Variants in PCDH15 observed in about 807,000 individuals in gnomAD.
PCDH15 encodes protocadherin-15.
A neutral mutation model predicts 178.5 loss-of-function variants in PCDH15; 129 were observed. That is an observed-to-expected ratio of 0.72 (90% CI 0.63 to 0.84). The LOEUF (loss-of-function observed/expected upper bound fraction) is 0.84. Among genes scored for constraint, PCDH15 ranks in the 40% least tolerant of loss-of-function variants. The pLI is 0.00. For synonymous variants in PCDH15, 800 were observed against 732.0 expected (o/e 1.09, Z -1.50); for missense variants, 2,230 against 2,099.9 (o/e 1.06, Z -1.21).
rs78514349 is a variant in PCDH15 at position 54,640,473 on chromosome 10, T to C, written c.91+23699A>G. 2.9e-3 allele frequency among the ~76,000 whole-genome samples: 436 copies of C among 152,230 alleles called. 2 individuals carry two copies. Among genetic ancestry groups the C allele is most frequent in the Non-Finnish European group, 5.2e-3 (356 of 68,000 alleles). On this transcript the variant is annotated intron_variant, in intron 2 of 37. Transcript: ENST00000644397. ...CTAATAAAATTCCTAAATGTTTTAC[T>C]GAACAATGATTTTTTTCCTTGATGT...
intron 3 of PCDH15, among the ~76,000 whole-genome samples, chr10:54,438,344 T>A (rs2075570706): frequency 6.7e-6 from 1 of 150,366 alleles, no homozygotes; most frequent in Admixed American, 6.7e-5. Flanking sequence ...ATGCTTCTTC[T>A]GTCGGGGAGT....
intron 1 of PCDH15, among the ~76,000 whole-genome samples, chr10:55,270,513 T>G (rs544320711): frequency 1.3e-5 from 2 of 152,068 alleles, no homozygotes; most frequent in South Asian, 4.1e-4. Context: ...AAAGAAGACT[T>G]ACAAGCAGCC....
At chr10:54,927,596 T>C (rs1837663949) in intron 2 of PCDH15, among the ~76,000 whole-genome samples, 1 of 152,164 alleles carries the variant, frequency 6.6e-6, no homozygotes, top group South Asian at 2.1e-4. Flanking sequence ...TCTAAGAACA[T>C]GCTTTATGAA....
rs1435997016 is a variant in PCDH15, at chr10:55,002,636, C to A, written c.-79-105136G>T. The stretch of plus-strand genomic sequence containing the variant: ...GAGCATTGACAGCAGCCAAAGCCTT[C>A]TCTTCAGACCAGGGAAAAGGTGACA... On this transcript the variant is annotated intron_variant, in intron 2 of 5. Transcript: ENST00000458638. 3.2e-4 allele frequency among the ~76,000 whole-genome samples: 5 copies of A among 15,762 alleles called. No homozygotes were observed. In the Admixed American group the frequency reaches 3.5e-3, roughly 11 times the overall value. The allele number at this position is 15,762 out of a possible 152,430, so 10.3% of individuals were successfully genotyped here.
intron 2 of PCDH15, among the ~76,000 whole-genome samples, chr10:55,067,457 C>CATT (rs1841595709): frequency 6.6e-6 from 1 of 152,106 alleles, no homozygotes; most frequent in East Asian, 1.9e-4. Flanking sequence ...ATATATACCA[C>CATT]ATTTTCTTTA....
chr10:55,289,706 A>G (rs1195305401), intron 1 of PCDH15, among the ~76,000 whole-genome samples: 3 of 152,026 alleles, frequency 2.0e-5, no homozygotes, highest in Non-Finnish European at 4.4e-5. Context: ...ATCTATTGCT[A>G]TGGTTTGAAT....
chr10:55,204,779 T>A (rs1398652132), intron 1 of PCDH15, among the ~76,000 whole-genome samples: 1 of 152,112 alleles, frequency 6.6e-6, no homozygotes, highest in Non-Finnish European at 1.5e-5. Context: ...GTCATAGCTA[T>A]CATTCTAAGT....
At chr10:54,464,011 C>T (rs543048182) in intron 3 of PCDH15, among the ~76,000 whole-genome samples, 5 of 152,212 alleles carry the variant, frequency 3.3e-5, no homozygotes, top group Admixed American at 3.3e-4. Context: ...GAGATAGTGT[C>T]GGGCAAGATT....
At position 54,757,823 on chromosome 10, in the gene PCDH15, G is replaced by T. The variant is rs546602431; in HGVS notation, c.-29+43102C>A. 3.3e-5 allele frequency among the ~76,000 whole-genome samples: 5 copies of T among 152,266 alleles called. No individual in the cohort carries two copies. In the East Asian group the frequency reaches 5.8e-4, roughly 18 times the overall value. Reference sequence around the variant, plus strand: ...TTGTCAGCAGCCTTAATATATAGCTGCATGGACAAATATTGACTGAGAGTT... The same window carrying T: ...TTGTCAGCAGCCTTAATATATAGCTTCATGGACAAATATTGACTGAGAGTT... On this transcript the variant is annotated intron_variant, in intron 1 of 37. Coordinates refer to ENST00000644397, the MANE Select transcript of PCDH15 (RefSeq NM_001384140.1).
intron 3 of PCDH15, among the ~76,000 whole-genome samples, chr10:54,858,258 T>C (rs1953775775): frequency 1.3e-5 from 2 of 152,216 alleles, no homozygotes; most frequent in South Asian, 2.1e-4. Flanking sequence ...TTTTGAAGGC[T>C]ACATAATATT....
chr10:55,195,672 A>AAG (rs1366447189), intron 1 of PCDH15, among the ~76,000 whole-genome samples: 5 of 145,838 alleles, frequency 3.4e-5, no homozygotes, highest in African/African-American at 1.3e-4. Flanking sequence ...AAAAAAAAAA[A>AAG]GTAGTAAAGG....
intron 6 of PCDH15, among the ~76,000 whole-genome samples, chr10:54,330,531 C>T (rs1102217): frequency 0.27 from 41,415 of 151,660 alleles, 6,522 homozygotes; most frequent in African/African-American, 0.44. Context: ...AGCATGACTG[C>T]GTGAACTTGA....
intron 10 of PCDH15, among the ~76,000 whole-genome samples, chr10:54,199,178 T>C (rs1014324116): frequency 2.0e-5 from 3 of 152,154 alleles, no homozygotes; most frequent in African/African-American, 7.2e-5. Flanking sequence ...TAATGATTAA[T>C]ATTTTTGGAT....
intron 3 of PCDH15, among the ~76,000 whole-genome samples, chr10:54,501,398 T>A (rs2080675853): frequency 6.6e-6 from 1 of 152,112 alleles, no homozygotes; most frequent in Non-Finnish European, 1.5e-5. Context: ...TAATTTGGCA[T>A]AAACAGTCTG....
intron 2 of PCDH15, among the ~76,000 whole-genome samples, chr10:54,632,587 T>C (rs2134720379): frequency 6.6e-6 from 1 of 152,280 alleles, no homozygotes; most frequent in East Asian, 1.9e-4. Flanking sequence ...TAAAAATTCA[T>C]ATTAAAATTA....
At chr10:54,378,593 C>T (rs564990999) in intron 4 of PCDH15, among the ~76,000 whole-genome samples, 189 bp downstream of exon 4, 75 of 152,182 alleles carry the variant, frequency 4.9e-4, no homozygotes, top group African/African-American at 1.6e-3. Flanking sequence ...GGAAGTCTAA[C>T]GGTTCTCCAG....
In PCDH15 at chr10:54,079,358, G is replaced by T. The variant is rs1376089788; in HGVS notation, c.2064C>A (p.Ile688=). Residue 688 remains isoleucine (I), a synonymous_variant, in exon 17 of 38, where the codon ATC becomes ATA. Coordinates refer to ENST00000644397, the MANE Select transcript of PCDH15 (RefSeq NM_001384140.1). ...CATCTGGCCTGCCATCTGAAGCTGT[G>T]ATGATCAGAATGTAGCGATCAGTGC... ...RESTDRYILI[I]TASDGRPDGT... is the part of the protein sequence containing the mutation. 6.2e-7 allele frequency: 1 copy of T among 1,613,974 alleles called. No individual in the cohort carries two copies. The highest frequency in any genetic ancestry group is 2.2e-5 in the East Asian group (1 of 44,886).
chr10:54,168,326 C>T (rs2046482292), intron 13 of PCDH15, among the ~76,000 whole-genome samples: 1 of 152,138 alleles, frequency 6.6e-6, no homozygotes, highest in Non-Finnish European at 1.5e-5. Context: ...CCCAAATCTT[C>T]CTTCTTTCCC....
At chr10:54,523,484 T>C (rs1185699175) in intron 3 of PCDH15, among the ~76,000 whole-genome samples, 7 of 152,186 alleles carry the variant, frequency 4.6e-5, no homozygotes, top group Non-Finnish European at 1.0e-4. Flanking sequence ...TTTTAGTATA[T>C]ATGTCAAATT....
Sources: gnomAD v4.1 joint callset for allele counts (sites outside exome capture counted in the v4.1 genomes callset) on GRCh38, gnomAD v4.1.1 for gene constraint, MANE v1.5 for transcripts, NCBI Gene and HGNC (gene_info 2026-07-23, HGNC 2026-07-21) for gene names.